Variants in TACR1 observed in about 807,000 individuals in gnomAD.
TACR1 encodes tachykinin receptor 1.
TACR1 carries 25 observed loss-of-function variants against 35.8 expected under a neutral mutation model. The ratio of observed to expected loss-of-function variants is 0.70; its 90% CI spans 0.51 to 0.98. The LOEUF (loss-of-function observed/expected upper bound fraction) is 0.98, where lower values mean the gene tolerates loss of function less well. Ranked by LOEUF, TACR1 falls within the 50% of genes least tolerant of loss-of-function variation. The pLI, the probability that TACR1 is intolerant of heterozygous loss-of-function variation, is 0.00. For missense variants in TACR1, 478 were observed against 522.9 expected, an observed-to-expected ratio of 0.91 and a Z score of 0.84; for synonymous variants, 195 against 206.7, an observed-to-expected ratio of 0.94 and a Z score of 0.48.
intron 1 of TACR1, among the ~76,000 whole-genome samples, chr2:75,135,758 C>T (rs894326594): frequency 2.6e-5 from 4 of 152,146 alleles, no homozygotes; most frequent in South Asian, 2.1e-4. Flanking sequence ...AACTGCAGAC[C>T]GGTAAATGGG....
At chr2:75,127,890 T>C (rs1674104816) in intron 1 of TACR1, among the ~76,000 whole-genome samples, 1 of 152,176 alleles carries the variant, frequency 6.6e-6, no homozygotes, top group East Asian at 1.9e-4. Flanking sequence ...TTTTCAATCG[T>C]TCAAAAATCT....
At chr2:75,147,565 C>T (rs960238273) in intron 1 of TACR1, among the ~76,000 whole-genome samples, 1 of 152,120 alleles carries the variant, frequency 6.6e-6, no homozygotes. Flanking sequence ...CTCTTGCTCC[C>T]CTCCTGCTCC....
At chr2:75,151,148 T>C (rs988657747) in intron 1 of TACR1, among the ~76,000 whole-genome samples, 1 of 152,180 alleles carries the variant, frequency 6.6e-6, no homozygotes, top group African/African-American at 2.4e-5. Flanking sequence ...AGTCTGACTA[T>C]GCGATAGAAA....
At chr2:75,184,759 T>C (rs1389958076) in intron 1 of TACR1, among the ~76,000 whole-genome samples, 1 of 151,388 alleles carries the variant, frequency 6.6e-6, no homozygotes, top group Non-Finnish European at 1.5e-5. Flanking sequence ...TTAGGTTCTA[T>C]ATTATGTATT....
intron 2 of TACR1, among the ~76,000 whole-genome samples, chr2:75,111,813 AG>A (rs953495388): frequency 6.6e-6 from 1 of 152,040 alleles, no homozygotes; most frequent in African/African-American, 2.4e-5. Context: ...TTAGAAACCA[AG>A]AATGGTGGTT....
intron 1 of TACR1, among the ~76,000 whole-genome samples, chr2:75,193,217 G>A (rs373607907): frequency 6.6e-5 from 10 of 152,084 alleles, no homozygotes; most frequent in African/African-American, 1.7e-4. Flanking sequence ...TATGCTGTTC[G>A]TGACCTTGTT....
At chr2:75,082,529 A>C (rs1022638493) in intron 2 of TACR1, among the ~76,000 whole-genome samples, 1 of 152,212 alleles carries the variant, frequency 6.6e-6, no homozygotes, top group South Asian at 2.1e-4. Flanking sequence ...GAACTAGTTT[A>C]CAGTCCCACC....
chr2:75,137,144 G>A (rs960892987), intron 1 of TACR1, among the ~76,000 whole-genome samples: 1 of 152,156 alleles, frequency 6.6e-6, no homozygotes, highest in Non-Finnish European at 1.5e-5. Context: ...TATGTAGGCT[G>A]TTAGGATGGG....
intron 1 of TACR1, among the ~76,000 whole-genome samples, chr2:75,123,550 C>T (rs975215233): frequency 6.6e-6 from 1 of 152,080 alleles, no homozygotes; most frequent in Non-Finnish European, 1.5e-5. Context: ...AACTCTCTAC[C>T]GTTCTTTAGT....
chr2:75,050,131 C>T (rs12620851), intron 4 of TACR1, among the ~76,000 whole-genome samples: 2 of 152,186 alleles, frequency 1.3e-5, no homozygotes, highest in African/African-American at 2.4e-5. Context: ...TCCTTCCCCT[C>T]GAGTAGCCTG....
At chr2:75,172,201 C>G (rs1675302784) in intron 1 of TACR1, among the ~76,000 whole-genome samples, 1 of 152,182 alleles carries the variant, frequency 6.6e-6, no homozygotes, top group South Asian at 2.1e-4. Context: ...GGAGAACCAG[C>G]CAAACTGGGT....
intron 1 of TACR1, among the ~76,000 whole-genome samples, chr2:75,192,925 T>A (rs759417287): frequency 7.9e-5 from 12 of 152,188 alleles, no homozygotes; most frequent in Non-Finnish European, 1.8e-4. Flanking sequence ...TTATGAGTAT[T>A]CCCAATCCAG....
At chr2:75,181,754 T>A (rs1222872538) in intron 1 of TACR1, among the ~76,000 whole-genome samples, 1 of 152,222 alleles carries the variant, frequency 6.6e-6, no homozygotes, top group Non-Finnish European at 1.5e-5. Context: ...AAATTTTTAA[T>A]GTAAGAGATG....
chr2:75,091,583 T>G (rs60374262), intron 2 of TACR1, among the ~76,000 whole-genome samples: 28,950 of 152,116 alleles, frequency 0.19, 3,715 homozygotes, highest in African/African-American at 0.35. Context: ...GAGTCTGTTA[T>G]TGCAACAGGG....
At chr2:75,066,916 C>T (rs1431043614) in intron 2 of TACR1, among the ~76,000 whole-genome samples, 2 of 152,150 alleles carry the variant, frequency 1.3e-5, no homozygotes, top group African/African-American at 4.8e-5. Flanking sequence ...TCTACCTCCC[C>T]AAGGCATCCA....
intron 1 of TACR1, among the ~76,000 whole-genome samples, chr2:75,138,523 G>A (rs539557170): frequency 1.1e-4 from 16 of 152,236 alleles, no homozygotes; most frequent in East Asian, 1.9e-4. Flanking sequence ...TTCTTGACTC[G>A]AAACTGAGGA....
chr2:75,148,186 G>C (rs1203529996), intron 1 of TACR1, among the ~76,000 whole-genome samples: 1 of 152,134 alleles, frequency 6.6e-6, no homozygotes, highest in Non-Finnish European at 1.5e-5. Flanking sequence ...ACATACGTAT[G>C]CATGTATCTT....
At chr2:75,176,493 T>G (rs935373875) in intron 1 of TACR1, among the ~76,000 whole-genome samples, 17 of 152,140 alleles carry the variant, frequency 1.1e-4, no homozygotes, top group African/African-American at 4.1e-4. Context: ...AGCCTATCCT[T>G]GCTGAGCTCA....
chr2:75,103,446 G>T (rs546230861), intron 2 of TACR1, among the ~76,000 whole-genome samples: 1 of 152,150 alleles, frequency 6.6e-6, no homozygotes, highest in Admixed American at 6.5e-5. Context: ...CCTGAAAGTG[G>T]CCCCAATGGC....
Sources: allele counts gnomAD v4.1 joint callset (sites outside exome capture counted in the v4.1 genomes callset), GRCh38; gene constraint gnomAD v4.1.1; transcripts MANE v1.5; gene names NCBI Gene and HGNC (gene_info 2026-07-23, HGNC 2026-07-21).